Variants in THEMIS observed in about 807,000 individuals in gnomAD.
The protein encoded by THEMIS is thymocyte selection associated, also known as protein THEMIS.
Under a neutral mutation model 52.6 loss-of-function variants are expected in THEMIS, and 37 were observed. The ratio of observed to expected loss-of-function variants is 0.70; its 90% confidence interval spans 0.54 to 0.93. THEMIS has a LOEUF of 0.93. Among genes scored for constraint, THEMIS ranks in the 40% least tolerant of loss-of-function variants. THEMIS has a pLI of 0.00. For missense variants in THEMIS, 808 were observed against 763.1 expected (o/e 1.06, Z -0.69); for synonymous variants, 292 against 272.7 (o/e 1.07, Z -0.70).
intron 2 of THEMIS, among the ~76,000 whole-genome samples, chr6:127,845,441 GGC>G (rs1779181076): frequency 6.6e-6 from 1 of 151,816 alleles, no homozygotes. Context: ...CAAACTTTGT[GGC>G]ACTTTAACTT....
upstream of THEMIS, among the ~76,000 whole-genome samples, chr6:127,904,370 G>A (rs1246531438): frequency 6.6e-6 from 1 of 152,032 alleles, no homozygotes; most frequent in East Asian, 1.9e-4. Context: ...GAGGGAGCAG[G>A]AGTCACAACA....
At chr6:127,746,590 A>C (rs1434227290) in intron 4 of THEMIS, among the ~76,000 whole-genome samples, 1 of 147,194 alleles carries the variant, frequency 6.8e-6, no homozygotes, top group Admixed American at 7.1e-5. Context: ...AGGGTACACT[A>C]TATATTGTTA....
intron 1 of THEMIS, among the ~76,000 whole-genome samples, chr6:127,859,539 G>T (rs270036): frequency 0.63 from 95,787 of 151,912 alleles, 30,436 homozygotes; most frequent in East Asian, 0.83. Flanking sequence ...ATAATTTTGT[G>T]TCATTGTAAA....
At chr6:127,739,513 C>T (rs1391504590) in intron 4 of THEMIS, among the ~76,000 whole-genome samples, 5 of 151,942 alleles carry the variant, frequency 3.3e-5, no homozygotes, top group African/African-American at 1.2e-4. Flanking sequence ...TGGTGGCGGG[C>T]GCCTGTAGTC....
intron 4 of THEMIS, among the ~76,000 whole-genome samples, chr6:127,730,301 GAAAAGAAAAGAAAAGAGAAA>G (rs1316698223): frequency 0.016 from 2,102 of 129,020 alleles, 66 homozygotes; most frequent in African/African-American, 0.057. Flanking sequence ...GAAAAGAAAA[GAAAAGAAAAGAAAAGAGAAA>G]AAAAGAAAAG....
intron 1 of THEMIS, among the ~76,000 whole-genome samples, chr6:127,891,451 G>A (rs1367803581): frequency 1.3e-5 from 2 of 149,302 alleles, no homozygotes; most frequent in Non-Finnish European, 1.5e-5. Context: ...CAGGAAAATC[G>A]CTTGAATCCG....
At chr6:127,720,000 T>C (rs1269273848) in intron 4 of THEMIS, among the ~76,000 whole-genome samples, 177 bp from the exon 5 acceptor site, 2 of 151,992 alleles carry the variant, frequency 1.3e-5, no homozygotes, top group Non-Finnish European at 2.9e-5. Flanking sequence ...AGGTGTACAA[T>C]TTTTGAAGCA....
At chr6:127,742,347 A>T (rs576258084) in intron 4 of THEMIS, among the ~76,000 whole-genome samples, 2 of 148,006 alleles carry the variant, frequency 1.4e-5, no homozygotes, top group African/African-American at 5.1e-5. Flanking sequence ...AAAACAAACA[A>T]AAAAACAAAA....
intron 4 of THEMIS, among the ~76,000 whole-genome samples, chr6:127,787,655 T>G (rs269992): frequency 4.0e-5 from 6 of 151,866 alleles, no homozygotes; most frequent in Non-Finnish European, 7.4e-5. Flanking sequence ...AATATCTTGA[T>G]AAACGATACC....
chr6:127,796,979 A>G (rs1777351008), intron 4 of THEMIS, among the ~76,000 whole-genome samples: 1 of 152,214 alleles, frequency 6.6e-6, no homozygotes, highest in South Asian at 2.1e-4. Context: ...ACTTGACTCC[A>G]GCTCAGTTTA....
At chr6:127,909,837 T>G (rs1370403920) in intron 1 of THEMIS, 5 of 152,186 alleles carry the variant, frequency 3.3e-5, no homozygotes, top group Admixed American at 3.3e-4. Context: ...AAGAACCTAC[T>G]TTGTTCACTT....
chr6:127,898,370 T>C (rs1284008281), intron 1 of THEMIS, among the ~76,000 whole-genome samples: 1 of 151,782 alleles, frequency 6.6e-6, no homozygotes, highest in Non-Finnish European at 1.5e-5. Flanking sequence ...ACCAAATCAA[T>C]AAATCCAATA....
At chr6:127,903,398 C>T (rs140171765), upstream of THEMIS, among the ~76,000 whole-genome samples, 445 of 151,040 alleles carry the variant, frequency 2.9e-3, 6 homozygotes, top group Middle Eastern at 0.044. Context: ...AATAGATTAA[C>T]GAGAATTTTA....
intron 5 of THEMIS, among the ~76,000 whole-genome samples, chr6:127,716,818 T>C (rs1038182199): frequency 1.2e-4 from 18 of 151,934 alleles, no homozygotes; most frequent in African/African-American, 4.1e-4. Context: ...GCTGCTGAAG[T>C]AAGATGGGGA....
chr6:127,829,752 C>T lies in THEMIS; in HGVS notation c.433G>A (p.Asp145Asn). 6.2e-7 allele frequency: 1 copy of T among 1,614,108 alleles called. No homozygotes were observed. Among genetic ancestry groups the T allele is most frequent in the Non-Finnish European group, 8.5e-7 (1 of 1,180,008 alleles). Residue 145 changes from aspartate (D) to asparagine (N), a missense_variant, in exon 3 of 6, where the codon GAT becomes AAT. Asp to Asn is a conservative substitution (Grantham distance 23). Transcript: ENST00000368248. ...GCACAGCTCACCATTATTTCTCCATCAATCTCTTCAACTGAGTTGAGCATG... is the reference window on the plus strand; with the variant it reads ...GCACAGCTCACCATTATTTCTCCATTAATCTCTTCAACTGAGTTGAGCATG... ...QIMLNSVEEI[D>N]GEIMVSCAVA...
At chr6:127,900,651 T>A (rs1455651150) in intron 1 of THEMIS, among the ~76,000 whole-genome samples, 191 bp downstream of exon 1, 2 of 152,084 alleles carry the variant, frequency 1.3e-5, no homozygotes, top group East Asian at 1.9e-4. Context: ...CCCAGAGTCC[T>A]GTCTAGTTTC....
At chr6:127,821,459 C>T (rs1282242801) in intron 3 of THEMIS, among the ~76,000 whole-genome samples, 3 of 152,066 alleles carry the variant, frequency 2.0e-5, no homozygotes, top group Non-Finnish European at 4.4e-5. Flanking sequence ...GTTTAGACTT[C>T]CCAGAATTTC....
intron 4 of THEMIS, among the ~76,000 whole-genome samples, chr6:127,777,131 T>C (rs1164228566): frequency 6.6e-6 from 1 of 152,050 alleles, no homozygotes; most frequent in Non-Finnish European, 1.5e-5. Context: ...TTGGAGTATT[T>C]ACCCATCTAC....
rs1048669464 is a variant in THEMIS at position 127,708,652 on chromosome 6, T to G, written c.*1333A>C. On this transcript the variant is annotated 3_prime_UTR_variant, in exon 6 of 6. Coordinates refer to ENST00000368248, the MANE Select transcript of THEMIS (RefSeq NM_001010923.3). ...AAAAGAAAAACTGTCCCATAAAACT[T>G]TAGACATTGTAGATAAGAAATGATA... 2.0e-5 allele frequency: 3 copies of G among 152,002 alleles called. No individual in the cohort carries two copies. The highest frequency in any genetic ancestry group is 7.2e-5 in the African/African-American group (3 of 41,394). 9.4% of individuals were successfully genotyped at this position (152,002 alleles called of 1,614,324 possible).
Sources: allele counts gnomAD v4.1 joint callset (sites outside exome capture counted in the v4.1 genomes callset), GRCh38; gene constraint gnomAD v4.1.1; transcripts MANE v1.5; gene names NCBI Gene and HGNC (gene_info 2026-07-23, HGNC 2026-07-21).